CTNND2: variants seen among roughly 807,000 people sequenced by gnomAD.
CTNND2 encodes the protein catenin delta-2.
In CTNND2, 22 loss-of-function variants were observed where a neutral mutation model predicts 144.4. The ratio of observed to expected loss-of-function variants is 0.15; its 90% confidence interval spans 0.11 to 0.22. The LOEUF is 0.22. CTNND2 is among the 10% of genes least tolerant of loss of function. The pLI is 1.00. For synonymous variants in CTNND2, 751 were observed against 695.6 expected, an observed-to-expected ratio of 1.08 and a Z score of -1.25; for missense variants, 1,353 against 1,618.8, an observed-to-expected ratio of 0.84 and a Z score of 2.82.
chr5:11,360,643 G>A (rs749864286), intron 8 of CTNND2, among the ~76,000 whole-genome samples: 27 of 152,162 alleles, frequency 1.8e-4, no homozygotes, highest in Non-Finnish European at 2.9e-4. Flanking sequence ...GGCCACTTTA[G>A]TAGGGACATG....
chr5:11,376,114 A>T (rs1757902965), intron 7 of CTNND2, among the ~76,000 whole-genome samples: 1 of 152,140 alleles, frequency 6.6e-6, no homozygotes, highest in Non-Finnish European at 1.5e-5. Flanking sequence ...TGGGACAATG[A>T]ATCTGCCATC....
chr5:11,164,847 G>A (rs939864466), intron 11 of CTNND2, among the ~76,000 whole-genome samples: 4 of 152,128 alleles, frequency 2.6e-5, no homozygotes, highest in African/African-American at 9.7e-5. Context: ...TCTGTCATTT[G>A]ATCACTGTTC....
At chr5:10,996,426 G>C (rs923887060) in intron 18 of CTNND2, among the ~76,000 whole-genome samples, 1 of 131,928 alleles carries the variant, frequency 7.6e-6, no homozygotes, top group Admixed American at 8.8e-5. Context: ...CAAGAAAGAC[G>C]ACTGCTCCAA....
chr5:11,112,865 G>A (rs1753146992), intron 13 of CTNND2, among the ~76,000 whole-genome samples: 1 of 152,134 alleles, frequency 6.6e-6, no homozygotes, highest in African/African-American at 2.4e-5. Flanking sequence ...TGTACAGGCT[G>A]GGCGCGGTGG....
chr5:11,129,215 ATTATATAT>A (rs1561353255), intron 12 of CTNND2, among the ~76,000 whole-genome samples: 3 of 39,694 alleles, frequency 7.6e-5, no homozygotes, highest in Non-Finnish European at 8.9e-5. Context: ...ATATTTATAT[ATTATATAT>A]AAATATATAT....
chr5:11,759,171 T>C (rs936852554), intron 1 of CTNND2, among the ~76,000 whole-genome samples: 2 of 147,168 alleles, frequency 1.4e-5, no homozygotes, highest in African/African-American at 2.4e-5. Context: ...ATGAACCTGA[T>C]TATAATCTAC....
chr5:10,977,611 C>A (rs1736659918), intron 21 of CTNND2, among the ~76,000 whole-genome samples: 1 of 152,180 alleles, frequency 6.6e-6, no homozygotes, highest in Admixed American at 6.5e-5. Context: ...CACCACCATG[C>A]CCAGCTAATT....
Position 11,364,685 on chromosome 5 carries a change from T to C in CTNND2, c.1372+11A>G. 6.3e-7 allele frequency: 1 copy of C among 1,599,956 alleles called. No individual in the cohort carries two copies. On this transcript the variant is annotated intron_variant, in intron 8 of 21. Coordinates refer to ENST00000304623, the MANE Select transcript of CTNND2 (RefSeq NM_001332.4). Reference sequence around the variant, plus strand: ...GTGGACAGGCCACCCAGTGGGGTCCTGATTACACACCTGTGCTCGTGCGGT... The same window carrying C: ...GTGGACAGGCCACCCAGTGGGGTCCCGATTACACACCTGTGCTCGTGCGGT...
Position 11,129,201 on chromosome 5 carries a change from T to A in CTNND2, c.2160-11634A>T, listed in dbSNP as rs1398706057. Among the ~76,000 whole-genome samples, 15 of 42,196 alleles carry A rather than the reference T, an allele frequency of 3.6e-4. No individual in the cohort carries two copies. The East Asian group carries it at 7.3e-3, about 20-fold the overall frequency. The allele number at this position is 42,196 out of a possible 152,430, so 27.7% of individuals were successfully genotyped here. ...TTTTATATATAATATATAATATATA[T>A]TATATATTTATATATTATATATAAA... On this transcript the variant is annotated intron_variant, in intron 12 of 21. Coordinates refer to ENST00000304623, the MANE Select transcript of CTNND2 (RefSeq NM_001332.4).
intron 1 of CTNND2, among the ~76,000 whole-genome samples, chr5:11,896,297 T>G (rs1351488953): frequency 1.3e-5 from 2 of 152,170 alleles, no homozygotes; most frequent in African/African-American, 4.8e-5. Flanking sequence ...TGAGCAATGT[T>G]TTCTAAATTT....
At chr5:11,663,506 T>C (rs1413828150) in intron 2 of CTNND2, among the ~76,000 whole-genome samples, 1 of 152,130 alleles carries the variant, frequency 6.6e-6, no homozygotes, top group Non-Finnish European at 1.5e-5. Flanking sequence ...ACCATTAAAA[T>C]ATGATGTCTT....
At chr5:11,288,145 A>G (rs1021740811) in intron 9 of CTNND2, among the ~76,000 whole-genome samples, 1 of 152,136 alleles carries the variant, frequency 6.6e-6, no homozygotes, top group Non-Finnish European at 1.5e-5. Context: ...TTTGCATAAA[A>G]CATGCCAATA....
intron 3 of CTNND2, among the ~76,000 whole-genome samples, chr5:11,460,730 A>C (rs1766127947): frequency 6.6e-6 from 1 of 151,998 alleles, no homozygotes; most frequent in South Asian, 2.1e-4. Context: ...CTCAAATATC[A>C]CTTTACCTTA....
intron 12 of CTNND2, among the ~76,000 whole-genome samples, chr5:11,145,207 A>G (rs1580412416): frequency 6.6e-6 from 1 of 152,278 alleles, no homozygotes; most frequent in East Asian, 1.9e-4. Flanking sequence ...GTACATTCAC[A>G]TTGTTGTGCC....
chr5:11,029,081 G>A lies in CTNND2; in HGVS notation c.2789-6102C>T, dbSNP rs150217133. On this transcript the variant is annotated intron_variant, in intron 16 of 21. Transcript: ENST00000304623. Reference sequence around the variant, plus strand: ...CATATTTTGCTATTCTTCTGTTGACGAAAAATTGGGTTGATACTTCATTTT... The same window carrying A: ...CATATTTTGCTATTCTTCTGTTGACAAAAAATTGGGTTGATACTTCATTTT... Among the ~76,000 whole-genome samples, 27 of 152,266 alleles carry A rather than the reference G, an allele frequency of 1.8e-4. 1 individual carries two copies. In the East Asian group the frequency reaches 4.0e-3, roughly 23 times the overall value.
intron 2 of CTNND2, among the ~76,000 whole-genome samples, chr5:11,723,872 C>G (rs1489903133): frequency 6.6e-6 from 1 of 151,812 alleles, no homozygotes; most frequent in African/African-American, 2.4e-5. Context: ...CTGGCTAGCA[C>G]AGTGAAACCC....
chr5:11,231,428 T>C (rs1741001013), intron 10 of CTNND2, among the ~76,000 whole-genome samples: 1 of 152,128 alleles, frequency 6.6e-6, no homozygotes, highest in Admixed American at 6.5e-5. Context: ...AAAATGCTGA[T>C]AGTGATATGG....
At chr5:11,801,004 A>G (rs1435476948) in intron 1 of CTNND2, among the ~76,000 whole-genome samples, 2 of 152,200 alleles carry the variant, frequency 1.3e-5, no homozygotes, top group Admixed American at 1.3e-4. Flanking sequence ...CTTTGCATCT[A>G]TCAAGGCTAA....
intron 2 of CTNND2, among the ~76,000 whole-genome samples, chr5:11,587,247 G>A (rs1331452797): frequency 6.6e-6 from 1 of 152,028 alleles, no homozygotes; most frequent in African/African-American, 2.4e-5. Flanking sequence ...AAAGGTCAAA[G>A]TTTTCTTAAA....
Sources: gnomAD v4.1 joint callset for allele counts (sites outside exome capture counted in the v4.1 genomes callset) on GRCh38, gnomAD v4.1.1 for gene constraint, MANE v1.5 for transcripts, NCBI Gene and HGNC (gene_info 2026-07-23, HGNC 2026-07-21) for gene names.